Variants in KIAA1549L observed in about 807,000 individuals in gnomAD.
KIAA1549L encodes the protein UPF0606 protein KIAA1549L.
A neutral mutation model predicts 160.7 loss-of-function variants in KIAA1549L; 88 were observed. The ratio of observed to expected loss-of-function variants is 0.55; its 90% CI spans 0.46 to 0.65. The LOEUF (loss-of-function observed/expected upper bound fraction) is 0.65. Ranked by LOEUF, KIAA1549L falls within the 30% of genes least tolerant of loss-of-function variation. KIAA1549L has a pLI of 0.00. For missense variants in KIAA1549L, 2,258 were observed against 2,437.5 expected, an observed-to-expected ratio of 0.93 and a Z score of 1.55; for synonymous variants, 950 against 976.7, an observed-to-expected ratio of 0.97 and a Z score of 0.51.
At chr11:33,527,906 C>T (rs1013741279) in intron 1 of KIAA1549L, among the ~76,000 whole-genome samples, 2 of 152,182 alleles carry the variant, frequency 1.3e-5, no homozygotes, top group Admixed American at 1.3e-4. Context: ...TCCTATGTGT[C>T]ATGGGAGGAA....
intron 12 of KIAA1549L, among the ~76,000 whole-genome samples, chr11:33,597,515 A>T (rs1850232953): frequency 6.6e-6 from 1 of 152,202 alleles, no homozygotes; most frequent in Non-Finnish European, 1.5e-5. Context: ...GATAGATGTC[A>T]TTATTTTCTA....
chr11:33,619,792 A>T (rs1439960190), intron 16 of KIAA1549L, among the ~76,000 whole-genome samples: 3 of 152,232 alleles, frequency 2.0e-5, no homozygotes, highest in East Asian at 1.9e-4. Context: ...ACTAGGTTAA[A>T]TTATTCAATG....
rs915127885 is a variant in KIAA1549L, at chr11:33,455,134, C to T, written c.238+78245C>T. 4.6e-5 allele frequency among the ~76,000 whole-genome samples: 7 copies of T among 152,184 alleles called. No individual in the cohort carries two copies. The South Asian group carries it at 1.5e-3, about 32-fold the overall frequency. ...ACAAAAACAAACAACAACAAAAAAA[C>T]CGTTTAGCAAAACAAAGGTTTAATG... On this transcript the variant is annotated intron_variant, in intron 1 of 20. Coordinates refer to ENST00000658780, the MANE Select transcript of KIAA1549L (RefSeq NM_012194.3).
chr11:33,492,114 C>A (rs1017873605), intron 1 of KIAA1549L, among the ~76,000 whole-genome samples: 3 of 152,158 alleles, frequency 2.0e-5, no homozygotes, highest in Non-Finnish European at 1.5e-5. Context: ...TGCCTGTAAT[C>A]CCAGCACTTT....
intron 8 of KIAA1549L, among the ~76,000 whole-genome samples, chr11:33,562,420 C>A (rs888417350): frequency 2.6e-5 from 4 of 152,218 alleles, no homozygotes; most frequent in Non-Finnish European, 4.4e-5. Context: ...CTGCTATAAG[C>A]AAGTGCCACA....
At position 33,499,378 on chromosome 11, in the gene KIAA1549L, G is replaced by T. The variant is rs534271748; in HGVS notation, c.239-42424G>T. Among the ~76,000 whole-genome samples, 5 of 152,316 alleles carry T rather than the reference G, an allele frequency of 3.3e-5. No homozygotes were observed. The East Asian group carries it at 5.8e-4, about 18-fold the overall frequency. ...ACTCTCATAGGTTTAAGTAGTGAGG[G>T]TTGCTTATAGTTTATTTATTGGGGT... On this transcript the variant is annotated intron_variant, in intron 1 of 20. Coordinates refer to ENST00000658780, the MANE Select transcript of KIAA1549L (RefSeq NM_012194.3).
chr11:33,390,860 A>G (rs1211578034), intron 1 of KIAA1549L, among the ~76,000 whole-genome samples: 4 of 152,202 alleles, frequency 2.6e-5, no homozygotes, highest in Non-Finnish European at 1.5e-5. Flanking sequence ...TAACATGATA[A>G]TGGAGTTGGG....
intron 13 of KIAA1549L, among the ~76,000 whole-genome samples, chr11:33,599,727 G>C (rs1850304872): frequency 1.3e-5 from 2 of 152,180 alleles, no homozygotes; most frequent in African/African-American, 4.8e-5. Flanking sequence ...CCTTGGTTCT[G>C]ACTCTCATCT....
intron 19 of KIAA1549L, among the ~76,000 whole-genome samples, chr11:33,659,509 G>A (rs1015807687): frequency 1.3e-5 from 2 of 152,168 alleles, no homozygotes; most frequent in Admixed American, 6.5e-5. Flanking sequence ...CATAATGGTA[G>A]TTTCCAGTTT....
At chr11:33,665,068 T>A (rs941146903) in intron 20 of KIAA1549L, among the ~76,000 whole-genome samples, 2 of 151,972 alleles carry the variant, frequency 1.3e-5, no homozygotes, top group Admixed American at 6.5e-5. Context: ...AGGTCACTGA[T>A]GCTTCCTGGG....
intron 1 of KIAA1549L, among the ~76,000 whole-genome samples, chr11:33,463,872 G>C (rs1590263903): frequency 6.6e-6 from 1 of 152,154 alleles, no homozygotes; most frequent in East Asian, 1.9e-4. Context: ...CTTTGCCTTA[G>C]GTGCAGTTCT....
At chr11:33,414,898 C>T (rs1275694050) in intron 1 of KIAA1549L, among the ~76,000 whole-genome samples, 2 of 151,970 alleles carry the variant, frequency 1.3e-5, no homozygotes, top group African/African-American at 4.8e-5. Flanking sequence ...TATACTATAT[C>T]GTTTTGATGT....
intron 1 of KIAA1549L, among the ~76,000 whole-genome samples, chr11:33,424,358 C>T (rs11032264): frequency 3.9e-5 from 6 of 152,184 alleles, no homozygotes; most frequent in African/African-American, 1.2e-4. Flanking sequence ...GTTCATTCCT[C>T]TCATCAAGCA....
At chr11:33,517,155 C>T (rs1245482603) in intron 1 of KIAA1549L, among the ~76,000 whole-genome samples, 1 of 152,208 alleles carries the variant, frequency 6.6e-6, no homozygotes, top group African/African-American at 2.4e-5. Context: ...ATGTCTCTCC[C>T]TTTCCGCCTT....
chr11:33,530,766 A>G (rs1463425342), intron 1 of KIAA1549L, among the ~76,000 whole-genome samples: 2 of 152,138 alleles, frequency 1.3e-5, no homozygotes, highest in African/African-American at 4.8e-5. Context: ...ATTAGGAGAC[A>G]CTGAAATTCT....
intron 1 of KIAA1549L, among the ~76,000 whole-genome samples, chr11:33,401,205 A>C (rs1041094045): frequency 6.7e-6 from 1 of 148,322 alleles, no homozygotes; most frequent in Non-Finnish European, 1.5e-5. Flanking sequence ...ATATATATGT[A>C]AAATATATCT....
intron 1 of KIAA1549L, among the ~76,000 whole-genome samples, chr11:33,438,843 G>A (rs1376473013): frequency 7.9e-6 from 1 of 126,022 alleles, no homozygotes; most frequent in East Asian, 2.4e-4. Context: ...GCAGGGATTT[G>A]AAGGTTTTTT....
chr11:33,504,656 T>C (rs1309301501), intron 1 of KIAA1549L, among the ~76,000 whole-genome samples: 4 of 151,814 alleles, frequency 2.6e-5, no homozygotes, highest in African/African-American at 4.8e-5. Flanking sequence ...TTAGTAGAGA[T>C]GGGGTTTCAC....
At chr11:33,569,002 G>A (rs1250114815) in intron 9 of KIAA1549L, among the ~76,000 whole-genome samples, 1 of 152,170 alleles carries the variant, frequency 6.6e-6, no homozygotes, top group Non-Finnish European at 1.5e-5. Flanking sequence ...TTAAGCTTTA[G>A]TCATTGACTG....
Sources: allele counts gnomAD v4.1 joint callset (sites outside exome capture counted in the v4.1 genomes callset), GRCh38; gene constraint gnomAD v4.1.1; transcripts MANE v1.5; gene names NCBI Gene and HGNC (gene_info 2026-07-23, HGNC 2026-07-21).